The following COL22A1 variants were observed in gnomAD, a reference collection of about 807,000 sequenced individuals.
COL22A1 encodes the protein collagen alpha-1(XXII) chain.
Under a neutral mutation model 248.9 loss-of-function variants are expected in COL22A1, and 221 were observed. The ratio of observed to expected loss-of-function variants is 0.89; its 90% CI spans 0.80 to 0.99. COL22A1 has a LOEUF of 0.99. Ranked by LOEUF, COL22A1 falls within the 50% of genes least tolerant of loss-of-function variation. The pLI is 0.00. For synonymous variants in COL22A1, 891 were observed against 793.4 expected, an observed-to-expected ratio of 1.12 and a Z score of -2.07; for missense variants, 2,240 against 2,179.0, an observed-to-expected ratio of 1.03 and a Z score of -0.56.
chr8:138,771,164 C>T (rs1020150411), intron 16 of COL22A1, among the ~76,000 whole-genome samples: 1 of 152,224 alleles, frequency 6.6e-6, no homozygotes, highest in Non-Finnish European at 1.5e-5. Context: ...TGCAGGGACT[C>T]AGAGGCTGAT....
intron 2 of COL22A1, among the ~76,000 whole-genome samples, chr8:138,878,746 G>T (rs1399275384): frequency 6.6e-6 from 1 of 152,178 alleles, no homozygotes; most frequent in Non-Finnish European, 1.5e-5. Context: ...GGTGGTTCAC[G>T]CCTGTAATCC....
chr8:138,733,909 T>C (rs1174336553), intron 23 of COL22A1, among the ~76,000 whole-genome samples: 1 of 152,140 alleles, frequency 6.6e-6, no homozygotes, highest in Admixed American at 6.5e-5. Flanking sequence ...GCCCCTGTGG[T>C]GTGGGACAGG....
In COL22A1 at chr8:138,821,367, G is replaced by T. The variant is rs781297079; in HGVS notation, c.1014C>A (p.Asn338Lys). ...LDGENKAVEYNAVGAMKDAVR... is the reference protein window; with the variant it reads ...LDGENKAVEYKAVGAMKDAVR... ...CAGCATCTTTCATGGCACCCACAGC[G>T]TTGTACTCGACTGCCTTGTTTTCAC... The change falls in exon 7 of 65, where the codon AAC (asparagine) becomes AAA (lysine). Residue 338 changes from asparagine (N) to lysine (K), a missense_variant. Asn to Lys is a moderately conservative substitution (Grantham distance 94). Coordinates refer to ENST00000303045, the MANE Select transcript of COL22A1 (RefSeq NM_152888.3). 6.2e-7 allele frequency: 1 copy of T among 1,614,076 alleles called. No individual in the cohort carries two copies. Among genetic ancestry groups the T allele is most frequent in the Non-Finnish European group, 8.5e-7 (1 of 1,179,996 alleles).
chr8:138,659,961 GC>G (rs1209407019), intron 44 of COL22A1, among the ~76,000 whole-genome samples: 2 of 152,244 alleles, frequency 1.3e-5, no homozygotes, highest in African/African-American at 4.8e-5. Context: ...TGCAATGGGT[GC>G]TGCTGTTGCT....
At chr8:138,854,182 T>C (rs1206979753) in intron 3 of COL22A1, among the ~76,000 whole-genome samples, 1 of 152,010 alleles carries the variant, frequency 6.6e-6, no homozygotes, top group Non-Finnish European at 1.5e-5. Context: ...TTGTGTTCTG[T>C]TGGGAGGTTA....
chr8:138,904,124 G>T (rs1389202534), intron 1 of COL22A1, among the ~76,000 whole-genome samples: 1 of 152,106 alleles, frequency 6.6e-6, no homozygotes, highest in African/African-American at 2.4e-5. Context: ...AGCACTTGTT[G>T]CTCTTAGCAG....
At chr8:138,903,171 T>C (rs1162322918) in intron 1 of COL22A1, among the ~76,000 whole-genome samples, 1 of 152,192 alleles carries the variant, frequency 6.6e-6, no homozygotes, top group Non-Finnish European at 1.5e-5. Context: ...CTCAGTCACA[T>C]GGGATCCCCA....
In COL22A1 at chr8:138,626,200, G is replaced by T. The variant is rs767926222; in HGVS notation, c.3707C>A (p.Pro1236His). The T allele has an allele frequency of 1.0e-5, 16 of 1,602,462 alleles. No homozygotes were observed. Among genetic ancestry groups the T allele is most frequent in the Middle Eastern group, 3.3e-4 (2 of 6,050 alleles). The change falls in exon 51 of 65, where the codon CCC becomes CAC. Residue 1236 changes from proline to histidine, a missense_variant. Pro to His is a moderately conservative substitution (Grantham distance 77). Transcript: ENST00000303045. ...PPGPQGPSGL[P>H]GIPGEEGKEG... ...ATAAAAGCCACTTACTGGGATTCCG[G>T]GTAATCCAGATGGGCCTTGGGGGCC...
intron 43 of COL22A1, among the ~76,000 whole-genome samples, chr8:138,660,888 ACAG>A (rs1342795437): frequency 9.4e-5 from 5 of 53,294 alleles, no homozygotes; most frequent in Non-Finnish European, 2.1e-4. Context: ...ACACACATAC[ACAG>A]ACACACAAAC....
intron 7 of COL22A1, among the ~76,000 whole-genome samples, chr8:138,814,263 C>T (rs1818492267): frequency 6.6e-6 from 1 of 152,250 alleles, no homozygotes; most frequent in African/African-American, 2.4e-5. Flanking sequence ...GAGCAATCTC[C>T]CAGTCACCAC....
At chr8:138,775,912 C>G (rs1563748185) in intron 16 of COL22A1, 54 bp downstream of exon 16, 2 of 1,545,222 alleles carry the variant, frequency 1.3e-6, no homozygotes, top group East Asian at 2.2e-5. Context: ...TCCATGCACC[C>G]TCTCCCTTTT....
At position 138,600,935 on chromosome 8, in the gene COL22A1, G is replaced by A. The variant is rs535681668; in HGVS notation, c.4185+1180C>T. The stretch of plus-strand genomic sequence containing the variant: ...TTAAATATCTCACAATCACTTTGTG[G>A]TGACAGGACTTATCCCATATTTCAA... On this transcript the variant is annotated intron_variant, in intron 60 of 64. Transcript: ENST00000303045. Among the ~76,000 whole-genome samples the A allele has an allele frequency of 9.9e-5, 15 of 152,280 alleles. No homozygotes were observed. In the South Asian group the frequency reaches 3.1e-3, roughly 32 times the overall value.
chr8:138,780,948 T>A lies in COL22A1; in HGVS notation c.1629A>T (p.Arg543Ser). ...TTACTCTCATGCCTTTGCTGCCGTC[T>A]CTCCCAGGGGGGCCGGGCAGGCCCA... ...GSLGLPGPPG[R>S]DGSKGMRGEP... is the part of the protein sequence containing the mutation. The change falls in exon 13 of 65, where the codon AGA becomes AGT. Residue 543 changes from arginine to serine, a missense_variant. By Grantham distance (110) the Arg-to-Ser change is moderately radical. Coordinates refer to ENST00000303045, the MANE Select transcript of COL22A1 (RefSeq NM_152888.3). 2 of 1,612,618 alleles carry A rather than the reference T, an allele frequency of 1.2e-6. No individual in the cohort carries two copies. The highest frequency in any genetic ancestry group is 1.7e-6 in the Non-Finnish European group (2 of 1,179,508).
intron 16 of COL22A1, among the ~76,000 whole-genome samples, chr8:138,762,967 GA>G (rs1833616296): frequency 6.6e-6 from 1 of 152,198 alleles, no homozygotes; most frequent in African/African-American, 2.4e-5. Flanking sequence ...CATTCAGACG[GA>G]GCTGACTGAG....
chr8:138,833,683 ATTTTG>A (rs1820221236), intron 4 of COL22A1, among the ~76,000 whole-genome samples: 1 of 152,178 alleles, frequency 6.6e-6, no homozygotes. Context: ...ATTTGAAATG[ATTTTG>A]TTTTGTTTTG....
intron 30 of COL22A1, among the ~76,000 whole-genome samples, chr8:138,705,692 C>T (rs1474564534): frequency 1.3e-5 from 2 of 152,132 alleles, no homozygotes; most frequent in Non-Finnish European, 2.9e-5. Flanking sequence ...AAATTGTAAA[C>T]ACCACCCATG....
chr8:138,636,618 G>T, intron 48 of COL22A1, 124 bp downstream of exon 48: 1 of 748,748 alleles, frequency 1.3e-6, no homozygotes, highest in South Asian at 1.7e-5. Context: ...ATAAAAATGA[G>T]ATTTTAAAAA....
intron 11 of COL22A1, among the ~76,000 whole-genome samples, chr8:138,799,750 A>C (rs1372340733): frequency 6.6e-6 from 1 of 152,150 alleles, no homozygotes; most frequent in Non-Finnish European, 1.5e-5. Context: ...AATGCTATAC[A>C]TGGCATTCAT....
chr8:138,911,362 G>A (rs1316335), intron 1 of COL22A1, among the ~76,000 whole-genome samples: 45,015 of 152,150 alleles, frequency 0.3, 7,068 homozygotes, highest in African/African-American at 0.41. Flanking sequence ...TTCCACATAA[G>A]CTATGACTTC....
Sources: allele counts gnomAD v4.1 joint callset (sites outside exome capture counted in the v4.1 genomes callset), GRCh38; gene constraint gnomAD v4.1.1; transcripts MANE v1.5; gene names NCBI Gene and HGNC (gene_info 2026-07-23, HGNC 2026-07-21).